Variants in TMEM132B observed in about 807,000 individuals in gnomAD.
TMEM132B encodes the protein transmembrane protein 132B.
In TMEM132B, 18 loss-of-function variants were observed where a neutral mutation model predicts 90.8. The ratio of observed to expected loss-of-function variants is 0.20; its 90% CI spans 0.14 to 0.29. The LOEUF is 0.29. TMEM132B is among the 10% of genes least tolerant of loss of function. TMEM132B has a pLI of 1.00. For missense variants in TMEM132B, 1,096 were observed against 1,326.8 expected, an observed-to-expected ratio of 0.83 and a Z score of 2.70; for synonymous variants, 504 against 523.3, an observed-to-expected ratio of 0.96 and a Z score of 0.50.
chr12:125,235,654 C>G lies in TMEM132B; in HGVS notation c.67+48788C>G, dbSNP rs77696372. On this transcript the variant is annotated intron_variant, in intron 1 of 8. Coordinates refer to ENST00000682704, the MANE Select transcript of TMEM132B (RefSeq NM_001366854.1). Reference sequence around the variant, plus strand: ...GCCCCAGCCCCAGCAATCACTGATCCGCTCTCTGTCTTTATGGATTGGCCA... The same window carrying G: ...GCCCCAGCCCCAGCAATCACTGATCGGCTCTCTGTCTTTATGGATTGGCCA... 3.6e-3 allele frequency among the ~76,000 whole-genome samples: 544 copies of G among 152,134 alleles called. 2 individuals are homozygous for G. Among genetic ancestry groups the G allele is most frequent in the Non-Finnish European group, 6.1e-3 (417 of 67,994 alleles).
At chr12:125,338,589 C>G (rs1224837678) in intron 1 of TMEM132B, among the ~76,000 whole-genome samples, 1 of 152,160 alleles carries the variant, frequency 6.6e-6, no homozygotes, top group Non-Finnish European at 1.5e-5. Context: ...AATTTCACAC[C>G]TGTCCTTACT....
At position 125,408,157 on chromosome 12, in the gene TMEM132B, C is replaced by T. The variant is rs1441179542; in HGVS notation, c.960-7374C>T. Among the ~76,000 whole-genome samples the T allele has an allele frequency of 1.3e-5, 2 of 152,204 alleles. No homozygotes were observed. Among genetic ancestry groups the T allele is most frequent in the Admixed American group, 6.5e-5 (1 of 15,286 alleles). On this transcript the variant is annotated intron_variant, in intron 2 of 8. Coordinates refer to ENST00000682704, the MANE Select transcript of TMEM132B (RefSeq NM_001366854.1). This position sits in a 1 kb window ranked among gnomAD's most constrained non-coding sequence, Gnocchi z 5.9. ...CTTTTGGTACCTGGCTTCTTCCACT[C>T]AGCTGTGTATTTGGAGGGTCGCTGT... is the stretch of plus-strand genomic sequence containing the variant.
intron 1 of TMEM132B, among the ~76,000 whole-genome samples, chr12:125,215,557 T>G (rs1873414587): frequency 1.3e-5 from 2 of 152,244 alleles, no homozygotes; most frequent in South Asian, 2.1e-4. Context: ...TTTTTCTTTT[T>G]TTGAGATGGA....
Position 125,419,968 on chromosome 12 carries a change from C to T in TMEM132B, c.1106+4291C>T, listed in dbSNP as rs566127915. Reference sequence around the variant, plus strand: ...TGATCTCCTTTGACTCCGTGTCTCACGTCCAGGTCACACTGATGCAAAAGG... The same window carrying T: ...TGATCTCCTTTGACTCCGTGTCTCATGTCCAGGTCACACTGATGCAAAAGG... On this transcript the variant is annotated intron_variant, in intron 3 of 8. Transcript: ENST00000682704. 5.3e-4 allele frequency among the ~76,000 whole-genome samples: 81 copies of T among 152,336 alleles called. 1 individual carries two copies. Among genetic ancestry groups the T allele is most frequent in the African/African-American group, 1.7e-3 (70 of 41,580 alleles).
At chr12:125,274,674 G>A (rs574238702) in intron 1 of TMEM132B, among the ~76,000 whole-genome samples, 2 of 152,204 alleles carry the variant, frequency 1.3e-5, no homozygotes, top group Admixed American at 6.5e-5. Flanking sequence ...TTAACTTCGC[G>A]GTAATACAGC....
At chr12:125,636,118 C>T (rs1173429465) in intron 5 of TMEM132B, among the ~76,000 whole-genome samples, 1 of 152,152 alleles carries the variant, frequency 6.6e-6, no homozygotes, top group Non-Finnish European at 1.5e-5. Flanking sequence ...ACTGTTAGTG[C>T]TCCCCTGAGT....
chr12:125,228,114 T>A (rs577475046), intron 1 of TMEM132B, among the ~76,000 whole-genome samples: 37 of 152,310 alleles, frequency 2.4e-4, no homozygotes, highest in African/African-American at 7.7e-4. Flanking sequence ...AATCAAGACA[T>A]CAAGAGTAGC....
At chr12:125,296,927 G>A (rs7969457) in intron 1 of TMEM132B, among the ~76,000 whole-genome samples, 125,040 of 152,244 alleles carry the variant, frequency 0.82, 51,544 homozygotes, top group African/African-American at 0.88. Flanking sequence ...CAGGAGGCCT[G>A]CAGATTCCCA....
chr12:125,303,122 G>C (rs1158044715), intron 1 of TMEM132B, among the ~76,000 whole-genome samples: 1 of 151,834 alleles, frequency 6.6e-6, no homozygotes, highest in African/African-American at 2.4e-5. Flanking sequence ...AGGGAATTCT[G>C]TATCTATTAA....
At chr12:125,483,403 A>C (rs748012696) in intron 3 of TMEM132B, among the ~76,000 whole-genome samples, 38 of 152,192 alleles carry the variant, frequency 2.5e-4, no homozygotes, top group Non-Finnish European at 4.7e-4. Flanking sequence ...GAATATGTGG[A>C]TTAACCAACT....
chr12:125,314,894 C>T (rs1010524083), intron 1 of TMEM132B, among the ~76,000 whole-genome samples: 1 of 152,150 alleles, frequency 6.6e-6, no homozygotes, highest in African/African-American at 2.4e-5. Context: ...CTGCAGATGC[C>T]GCTAGAAATG....
chr12:125,389,933 A>G (rs1878960887), intron 2 of TMEM132B, among the ~76,000 whole-genome samples: 1 of 152,214 alleles, frequency 6.6e-6, no homozygotes, highest in African/African-American at 2.4e-5. Flanking sequence ...ACAGATTCCA[A>G]TTGCATAGCT....
chr12:125,484,092 G>T (rs958150507), intron 3 of TMEM132B, among the ~76,000 whole-genome samples: 2 of 152,082 alleles, frequency 1.3e-5, no homozygotes, highest in African/African-American at 4.8e-5. Context: ...TAGAGACAGG[G>T]TTTCATCATG....
At chr12:125,484,703 TCA>T (rs1336964410) in intron 3 of TMEM132B, among the ~76,000 whole-genome samples, 7 of 152,070 alleles carry the variant, frequency 4.6e-5, no homozygotes, top group Non-Finnish European at 1.0e-4. Flanking sequence ...TGATCATAGC[TCA>T]CTGCAGCCTT....
intron 2 of TMEM132B, among the ~76,000 whole-genome samples, chr12:125,377,158 G>A (rs1159596391): frequency 6.6e-6 from 1 of 152,236 alleles, no homozygotes; most frequent in East Asian, 1.9e-4. Flanking sequence ...CAGAACACCT[G>A]TGCAGGTGGG....
chr12:125,195,195 C>G (rs1254360646), intron 1 of TMEM132B, among the ~76,000 whole-genome samples: 1 of 152,176 alleles, frequency 6.6e-6, no homozygotes, highest in Middle Eastern at 3.4e-3. Flanking sequence ...ACTGTGCCAG[C>G]CCCTGTCCGT....
At chr12:125,199,754 G>A (rs1297144899) in intron 1 of TMEM132B, among the ~76,000 whole-genome samples, 2 of 152,068 alleles carry the variant, frequency 1.3e-5, no homozygotes, top group Admixed American at 1.3e-4. Flanking sequence ...GGCTCAAAAT[G>A]ACAGCTACAG....
At chr12:125,399,280 G>A (rs1042530583) in intron 2 of TMEM132B, among the ~76,000 whole-genome samples, 1 of 152,194 alleles carries the variant, frequency 6.6e-6, no homozygotes, top group African/African-American at 2.4e-5. Flanking sequence ...AGGGATCGTA[G>A]CAGATCATCC....
chr12:125,630,997 G>T (rs1488087947), intron 5 of TMEM132B, among the ~76,000 whole-genome samples: 1 of 151,930 alleles, frequency 6.6e-6, no homozygotes, highest in Non-Finnish European at 1.5e-5. Context: ...ATTTATTTCT[G>T]CTCCAATCTT....
Sources: gnomAD v4.1 joint callset for allele counts (sites outside exome capture counted in the v4.1 genomes callset) on GRCh38, gnomAD v4.1.1 for gene constraint, Gnocchi (gnomAD v3.1) non-coding constraint, MANE v1.5 for transcripts, NCBI Gene and HGNC (gene_info 2026-07-23, HGNC 2026-07-21) for gene names.